Variants in FAM20B observed in about 807,000 individuals in gnomAD.
FAM20B encodes FAM20B glycosaminoglycan xylosylkinase, also known as glycosaminoglycan xylosylkinase.
Under a neutral mutation model 43.8 loss-of-function variants are expected in FAM20B, and 23 were observed. That is an observed-to-expected ratio of 0.53 (90% CI 0.38 to 0.74). The LOEUF is 0.74. FAM20B is among the 30% of genes least tolerant of loss of function. The pLI is 0.00. For missense variants in FAM20B, 440 were observed against 510.5 expected, an observed-to-expected ratio of 0.86 and a Z score of 1.33; for synonymous variants, 178 against 192.4, an observed-to-expected ratio of 0.93 and a Z score of 0.62.
Position 179,040,588 on chromosome 1 carries a change from C to T in FAM20B, c.-133-3127C>T, listed in dbSNP as rs1379840849. 3.1e-4 allele frequency among the ~76,000 whole-genome samples: 39 copies of T among 126,282 alleles called. 5 individuals are homozygous for T. The highest frequency in any genetic ancestry group is 1.1e-3 in the African/African-American group (38 of 33,544). The allele number at this position is 126,282 out of a possible 152,430, so 82.8% of individuals were successfully genotyped here. The stretch of plus-strand genomic sequence containing the variant: ...CGGGGCAGCTGGCCGGGCAGAGGGG[C>T]TCCTCACTTCCCAGTAGGGGCGGCC... On this transcript the variant is annotated intron_variant, in intron 1 of 7. Transcript: ENST00000263733.
rs1405868513 is a variant in FAM20B, at chr1:179,068,005, C to T, written c.998+1146C>T. On this transcript the variant is annotated intron_variant, in intron 7 of 7. Transcript: ENST00000263733. ...GTCAAACTATTGACTTCAAGTGATC[C>T]GCCTGCCTCAGCCTCCCAAAGTGCT... Among the ~76,000 whole-genome samples the T allele has an allele frequency of 2.0e-5, 3 of 152,138 alleles. No homozygotes were observed. The East Asian group carries it at 5.8e-4, about 29-fold the overall frequency.
chr1:179,053,481 A>C (rs954716345), intron 3 of FAM20B, among the ~76,000 whole-genome samples: 1 of 152,064 alleles, frequency 6.6e-6, no homozygotes, highest in Non-Finnish European at 1.5e-5. Flanking sequence ...AACACACACA[A>C]AAAACCCTTC....
the FAM20B span, among the ~76,000 whole-genome samples, chr1:179,018,082 C>T: frequency 6.6e-6 from 1 of 152,122 alleles, no homozygotes; most frequent in African/African-American, 2.4e-5. Context: ...AGGATAATTC[C>T]AGTTGCTTAT....
In FAM20B at chr1:179,063,942, T is replaced by G; in HGVS notation, c.590T>G (p.Phe197Cys). Residue 197 changes from phenylalanine to cysteine, a missense_variant, in exon 5 of 8, where the codon TTT (phenylalanine) becomes TGT (cysteine). Phe to Cys is a radical substitution (Grantham distance 205, BLOSUM62 -2). Coordinates refer to ENST00000263733, the MANE Select transcript of FAM20B (RefSeq NM_014864.4). ...TFLTVGNNTC[F>C]YGKCYYCRET... ...TGTCCTTTAGGAAACAATACTTGTT[T>G]TTATGGGAAGTGCTATTACTGCCGA... is the stretch of plus-strand genomic sequence containing the variant. The G allele has an allele frequency of 6.2e-7, 1 of 1,607,878 alleles. No homozygotes were observed. Among genetic ancestry groups the G allele is most frequent in the Non-Finnish European group, 8.5e-7 (1 of 1,176,968 alleles).
intron 3 of FAM20B, among the ~76,000 whole-genome samples, chr1:179,051,736 T>C (rs1272822887): frequency 2.6e-5 from 4 of 152,314 alleles, no homozygotes; most frequent in African/African-American, 9.6e-5. Flanking sequence ...AACCTCGACG[T>C]CCTGGGTTCA....
At chr1:179,040,365 A>G (rs1433262774) in intron 1 of FAM20B, among the ~76,000 whole-genome samples, 1 of 140,966 alleles carries the variant, frequency 7.1e-6, no homozygotes, top group Non-Finnish European at 1.6e-5. Flanking sequence ...CGGGGGGCCA[A>G]CCCCCCCACT....
chr1:179,056,044 C>A (rs1002432531), intron 4 of FAM20B, among the ~76,000 whole-genome samples: 1 of 152,206 alleles, frequency 6.6e-6, no homozygotes, highest in East Asian at 1.9e-4. Context: ...CCCAAATAAC[C>A]GCTGCCCGTC....
At chr1:179,049,954 A>G (rs925767470) in intron 2 of FAM20B, among the ~76,000 whole-genome samples, 1 of 152,248 alleles carries the variant, frequency 6.6e-6, no homozygotes, top group Non-Finnish European at 1.5e-5. Flanking sequence ...CTGGCAATAC[A>G]AAGACAGTCC....
At position 179,063,945 on chromosome 1, in the gene FAM20B, A is replaced by C; in HGVS notation, c.593A>C (p.Tyr198Ser). 1 of 1,607,556 alleles carries C rather than the reference A, an allele frequency of 6.2e-7. No individual in the cohort carries two copies. ...CCTTTAGGAAACAATACTTGTTTTT[A>C]TGGGAAGTGCTATTACTGCCGAGAA... ...FLTVGNNTCF[Y>S]GKCYYCRETE... Residue 198 changes from tyrosine (Y) to serine (S), a missense_variant, in exon 5 of 8, where the codon TAT (tyrosine) becomes TCT (serine). Tyr to Ser is a moderately radical substitution (Grantham distance 144, BLOSUM62 -2). Coordinates refer to ENST00000263733, the MANE Select transcript of FAM20B (RefSeq NM_014864.4).
chr1:179,040,241 C>T (rs929729198), intron 1 of FAM20B, among the ~76,000 whole-genome samples: 1 of 152,250 alleles, frequency 6.6e-6, no homozygotes, highest in African/African-American at 2.4e-5. Flanking sequence ...CCCAGTGAGC[C>T]GTTGGGCACA....
the FAM20B span, among the ~76,000 whole-genome samples, chr1:179,018,227 AG>A: frequency 6.6e-6 from 1 of 152,218 alleles, no homozygotes; most frequent in Non-Finnish European, 1.5e-5. Flanking sequence ...TTATGTAAAA[AG>A]TCTCAATGTA....
upstream of FAM20B, among the ~76,000 whole-genome samples, chr1:179,022,912 A>G (rs1415732753): frequency 6.6e-6 from 1 of 152,224 alleles, no homozygotes; most frequent in African/African-American, 2.4e-5. Flanking sequence ...CTTCATGAAC[A>G]AGCAGCACTG....
intron 3 of FAM20B, among the ~76,000 whole-genome samples, chr1:179,051,478 T>TTAGC (rs1157385227): frequency 1.3e-5 from 2 of 151,610 alleles, no homozygotes; most frequent in Non-Finnish European, 2.9e-5. Context: ...AATACAAAAA[T>TTAGC]TAGCTGAGTG....
At chr1:179,035,301 A>G (rs1650175237) in intron 1 of FAM20B, 2 of 651,416 alleles carry the variant, frequency 3.1e-6, no homozygotes, top group South Asian at 2.8e-5. Flanking sequence ...TTAAGGACTC[A>G]GCTCCTTACA....
At chr1:179,047,962 T>A (rs1650850434) in intron 2 of FAM20B, among the ~76,000 whole-genome samples, 1 of 152,208 alleles carries the variant, frequency 6.6e-6, no homozygotes, top group African/African-American at 2.4e-5. Context: ...TTTTAACATT[T>A]CTGGAGCCTG....
intron 1 of FAM20B, among the ~76,000 whole-genome samples, chr1:179,034,186 A>C (rs189658031): frequency 1.3e-5 from 2 of 152,168 alleles, no homozygotes; most frequent in African/African-American, 4.8e-5. Flanking sequence ...ACCTCTCTCC[A>C]TATAGATCAC....
At chr1:179,053,669 A>C (rs996061703) in intron 3 of FAM20B, among the ~76,000 whole-genome samples, 1 of 152,224 alleles carries the variant, frequency 6.6e-6, no homozygotes, top group Non-Finnish European at 1.5e-5. Context: ...TTAGGACAGA[A>C]TCAGCAGCCC....
chr1:179,044,477 G>C (rs1650684468), intron 2 of FAM20B, among the ~76,000 whole-genome samples: 1 of 152,110 alleles, frequency 6.6e-6, no homozygotes, highest in Admixed American at 6.6e-5. Flanking sequence ...CAGAACACCT[G>C]GTAACCCACT....
chr1:179,027,774 A>G (rs1290095307), intron 1 of FAM20B, among the ~76,000 whole-genome samples: 1 of 152,218 alleles, frequency 6.6e-6, no homozygotes, highest in East Asian at 1.9e-4. Flanking sequence ...TTTCTCTAGA[A>G]CTGGTAGGAC....
Sources: gnomAD v4.1 joint callset for allele counts (sites outside exome capture counted in the v4.1 genomes callset) on GRCh38, gnomAD v4.1.1 for gene constraint, MANE v1.5 for transcripts, NCBI Gene and HGNC (gene_info 2026-07-23, HGNC 2026-07-21) for gene names.